The following MAPKAP1 variants were observed in gnomAD, a reference collection of about 807,000 sequenced individuals.
The protein encoded by MAPKAP1 is MAPK associated protein 1.
In MAPKAP1, 20 loss-of-function variants were observed where a neutral mutation model predicts 65.7. The observed-to-expected ratio is 0.30, with a 90% CI of 0.21 to 0.44. The LOEUF (loss-of-function observed/expected upper bound fraction) is 0.44. MAPKAP1 is among the 20% of genes least tolerant of loss of function. The pLI, the probability that MAPKAP1 is intolerant of heterozygous loss-of-function variation, is 1.00. For synonymous variants in MAPKAP1, 222 were observed against 244.3 expected (o/e 0.91, Z 0.85); for missense variants, 423 against 648.0 (o/e 0.65, Z 3.77).
At chr9:125,609,341 T>C (rs1832531810) in intron 4 of MAPKAP1, among the ~76,000 whole-genome samples, 1 of 152,084 alleles carries the variant, frequency 6.6e-6, no homozygotes. Context: ...GGGGTAGGGA[T>C]ATATATGCTC....
intron 7 of MAPKAP1, chr9:125,512,791 G>A (rs1016558628): frequency 1.3e-5 from 2 of 152,334 alleles, no homozygotes; most frequent in East Asian, 1.9e-4. Context: ...CACCATGTTA[G>A]CCAGGATGGT....
chr9:125,469,553 G>A (rs529023892), intron 9 of MAPKAP1, among the ~76,000 whole-genome samples: 16 of 152,302 alleles, frequency 1.1e-4, no homozygotes, highest in Admixed American at 2.6e-4. Context: ...CTACAGTCGA[G>A]GCTCCTCTGC....
At chr9:125,693,691 A>G (rs1423208146) in intron 1 of MAPKAP1, among the ~76,000 whole-genome samples, 1 of 115,998 alleles carries the variant, frequency 8.6e-6, no homozygotes, top group Non-Finnish European at 1.9e-5. Context: ...ATACACGTAT[A>G]TATACACGTA....
intron 4 of MAPKAP1, among the ~76,000 whole-genome samples, chr9:125,598,142 A>C (rs1220191031): frequency 6.6e-6 from 1 of 151,860 alleles, no homozygotes; most frequent in East Asian, 1.9e-4. Context: ...GGCTTTATGG[A>C]CTCACAAAAA....
At chr9:125,585,872 CA>C (rs974445176) in intron 4 of MAPKAP1, 145 bp from the exon 5 acceptor site, 1 of 704,272 alleles carries the variant, frequency 1.4e-6, no homozygotes. Context: ...AAAGTGGAAA[CA>C]CTGTCTAGTT....
At position 125,503,880 on chromosome 9, in the gene MAPKAP1, C is replaced by CTTTTTTTTTTTTTTTT. The variant is rs35867576; in HGVS notation, c.1066+2414_1066+2429dup. Among the ~76,000 whole-genome samples the CTTTTTTTTTTTTTTTT allele has an allele frequency of 8.2e-4, 54 of 66,242 alleles. 6 individuals carry two copies. The highest frequency in any genetic ancestry group is 2.9e-3 in the African/African-American group (36 of 12,590). The allele number at this position is 66,242 out of a possible 152,430, so 43.5% of individuals were successfully genotyped here. On this transcript the variant is annotated intron_variant, in intron 8 of 11. Coordinates refer to ENST00000265960, the MANE Select transcript of MAPKAP1 (RefSeq NM_001006617.3). ...TATAGGCACCCGCCACCACGCTTGG[C>CTTTTTTTTTTTTTTTT]TTTTTTTTTTTTTTTTTTTTTTTTT...
intron 4 of MAPKAP1, among the ~76,000 whole-genome samples, chr9:125,606,422 C>T (rs762870592): frequency 6.6e-6 from 1 of 152,108 alleles, no homozygotes; most frequent in Non-Finnish European, 1.5e-5. Context: ...AAGACCTAGA[C>T]CCTTAAGCAA....
chr9:125,640,338 C>G (rs1589370681), intron 4 of MAPKAP1, among the ~76,000 whole-genome samples: 2 of 152,072 alleles, frequency 1.3e-5, no homozygotes, highest in East Asian at 1.9e-4. Context: ...CTTCTGACCT[C>G]GTGATCCGCC....
rs148864612 is a variant in MAPKAP1, at chr9:125,581,229, T to C, written c.671+4326A>G. Among the ~76,000 whole-genome samples, 678 of 152,360 alleles carry C rather than the reference T, an allele frequency of 4.4e-3. 6 individuals carry two copies. The highest frequency in any genetic ancestry group is 0.015 in the African/African-American group (636 of 41,584). On this transcript the variant is annotated intron_variant, in intron 5 of 11. Transcript: ENST00000265960. ...CTGGAATAAATGCCCAAGAGGGCAA[T>C]TGCTGGGTTGTATGGTAAATTCACG... is the stretch of plus-strand genomic sequence containing the variant.
At chr9:125,552,590 G>GT (rs1830615407) in intron 6 of MAPKAP1, among the ~76,000 whole-genome samples, 1 of 152,026 alleles carries the variant, frequency 6.6e-6, no homozygotes, top group Admixed American at 6.6e-5. Context: ...TCAAAGGAAG[G>GT]TTAAACCCCA....
chr9:125,529,535 A>G (rs1829876569), intron 7 of MAPKAP1, among the ~76,000 whole-genome samples: 4 of 152,002 alleles, frequency 2.6e-5, no homozygotes. Flanking sequence ...AAAAAAGGCG[A>G]AAAAAGAAAA....
In MAPKAP1 at chr9:125,647,688, T is replaced by C. The variant is rs546608508; in HGVS notation, c.498+9963A>G. Among the ~76,000 whole-genome samples, 232 of 152,334 alleles carry C rather than the reference T, an allele frequency of 1.5e-3. 1 individual carries two copies. Among genetic ancestry groups the C allele is most frequent in the Non-Finnish European group, 1.8e-3 (121 of 68,028 alleles). On this transcript the variant is annotated intron_variant, in intron 4 of 11. Transcript: ENST00000265960. ...GATGGCCATATGGCCGCTCTTGTCT[T>C]TTAAGTTCCCCAAGGGCAGTCAGCC...
At chr9:125,455,934 T>C (rs1010230531) in intron 10 of MAPKAP1, among the ~76,000 whole-genome samples, 9 of 152,266 alleles carry the variant, frequency 5.9e-5, no homozygotes, top group Non-Finnish European at 1.2e-4. Context: ...TAAGGTTTAG[T>C]GGCGACAAAT....
At chr9:125,690,704 T>C (rs983529027) in intron 1 of MAPKAP1, among the ~76,000 whole-genome samples, 1 of 152,116 alleles carries the variant, frequency 6.6e-6, no homozygotes, top group Non-Finnish European at 1.5e-5. Flanking sequence ...AATTGGAAGG[T>C]TCAAAGAGGG....
intron 8 of MAPKAP1, among the ~76,000 whole-genome samples, chr9:125,504,325 G>A (rs890920231): frequency 3.3e-5 from 5 of 152,164 alleles, no homozygotes; most frequent in Non-Finnish European, 5.9e-5. Flanking sequence ...TTATTTCTAT[G>A]TGTATTCACA....
At chr9:125,569,995 G>T (rs1831179005) in intron 5 of MAPKAP1, among the ~76,000 whole-genome samples, 3 of 152,214 alleles carry the variant, frequency 2.0e-5, no homozygotes, top group South Asian at 2.1e-4. Context: ...ATGCAGGTCA[G>T]ATATTAAGTT....
rs144844267 is a variant in MAPKAP1, at chr9:125,477,218, G to A, written c.1207+7225C>T. 4.5e-3 allele frequency among the ~76,000 whole-genome samples: 683 copies of A among 152,262 alleles called. 4 individuals carry two copies. Among genetic ancestry groups the A allele is most frequent in the African/African-American group, 0.015 (642 of 41,538 alleles). ...GTTATAGATGCGATGCTGATAGGATGGAATTCATGGTATCTTACGTGTTCA... is the reference window on the plus strand; with the variant it reads ...GTTATAGATGCGATGCTGATAGGATAGAATTCATGGTATCTTACGTGTTCA... On this transcript the variant is annotated intron_variant, in intron 9 of 11. Transcript: ENST00000265960.
At chr9:125,690,212 C>T (rs1418840005) in intron 1 of MAPKAP1, among the ~76,000 whole-genome samples, 1 of 152,108 alleles carries the variant, frequency 6.6e-6, no homozygotes, top group East Asian at 1.9e-4. Context: ...AACTTAGCCA[C>T]CTTAATAGTT....
chr9:125,665,358 T>C (rs529836091), intron 3 of MAPKAP1, among the ~76,000 whole-genome samples: 27 of 152,180 alleles, frequency 1.8e-4, no homozygotes, highest in African/African-American at 5.8e-4. Context: ...GTGGCTAACA[T>C]ACTATATACC....
Sources: allele counts gnomAD v4.1 joint callset (sites outside exome capture counted in the v4.1 genomes callset), GRCh38; gene constraint gnomAD v4.1.1; transcripts MANE v1.5; gene names NCBI Gene and HGNC (gene_info 2026-07-23, HGNC 2026-07-21).